The following KIAA0586 variants were observed in gnomAD, a reference collection of about 807,000 sequenced individuals.
KIAA0586 encodes the protein protein TALPID3.
In KIAA0586, 144 loss-of-function variants were observed where a neutral mutation model predicts 169.8. That is an observed-to-expected ratio of 0.85 (90% confidence interval 0.74 to 0.97). KIAA0586 has a LOEUF of 0.97. Among genes scored for constraint, KIAA0586 ranks in the 50% least tolerant of loss-of-function variants. The pLI is 0.00. For missense variants in KIAA0586, 1,854 were observed against 1,823.0 expected, an observed-to-expected ratio of 1.02 and a Z score of -0.31; for synonymous variants, 625 against 612.4, an observed-to-expected ratio of 1.02 and a Z score of -0.30.
rs541120109 is a variant in KIAA0586 at position 58,441,665 on chromosome 14, G to A, written c.411-1041G>A. ...TTTATTTTTCTGGAGACAGAGTCTCGCTGTGTCACCCAGGCTAGAGTGCAG... is the reference window on the plus strand; with the variant it reads ...TTTATTTTTCTGGAGACAGAGTCTCACTGTGTCACCCAGGCTAGAGTGCAG... On this transcript the variant is annotated intron_variant, in intron 4 of 30. Coordinates refer to ENST00000652326, the MANE Select transcript of KIAA0586 (RefSeq NM_001329943.3). Among the ~76,000 whole-genome samples the A allele has an allele frequency of 1.4e-4, 22 of 152,022 alleles. No homozygotes were observed. In the East Asian group the frequency reaches 3.7e-3, roughly 25 times the overall value.
intron 24 of KIAA0586, among the ~76,000 whole-genome samples, chr14:58,489,376 C>T (rs2042690563): frequency 6.6e-6 from 1 of 151,872 alleles, no homozygotes; most frequent in African/African-American, 2.4e-5. Context: ...TGTGCCACCA[C>T]GCCCGGCTAA....
intron 16 of KIAA0586, among the ~76,000 whole-genome samples, chr14:58,470,159 T>A (rs979111774): frequency 2.0e-5 from 3 of 152,040 alleles, no homozygotes; most frequent in African/African-American, 7.2e-5. Context: ...ATTGGAAATT[T>A]CCTAAATTTT....
chr14:58,483,525 A>G (rs2042175702), intron 21 of KIAA0586, among the ~76,000 whole-genome samples: 1 of 152,158 alleles, frequency 6.6e-6, no homozygotes, highest in Non-Finnish European at 1.5e-5. Context: ...TATAGAGACC[A>G]TATTTAGATT....
chr14:58,484,904 A>ATTTATATATATATTTT, intron 21 of KIAA0586, among the ~76,000 whole-genome samples: 1 of 4,200 alleles, frequency 2.4e-4, no homozygotes, highest in Non-Finnish European at 3.5e-4. Flanking sequence ...ATATATATAT[A>ATTTATATATATATTTT]TATATATATA....
intron 9 of KIAA0586, among the ~76,000 whole-genome samples, chr14:58,454,494 T>G (rs2039659704): frequency 6.6e-6 from 1 of 152,224 alleles, no homozygotes; most frequent in South Asian, 2.1e-4. Flanking sequence ...TAGTTCATCT[T>G]TAACAGTACT....
In KIAA0586 at chr14:58,548,933, T is replaced by G. The variant is rs928871256; in HGVS notation, c.*1001T>G. The G allele has an allele frequency of 6.6e-6, 1 of 152,164 alleles. No individual in the cohort carries two copies. The highest frequency in any genetic ancestry group is 2.4e-5 in the African/African-American group (1 of 41,426). 9.4% of individuals were successfully genotyped at this position (152,164 alleles called of 1,614,324 possible). On this transcript the variant is annotated 3_prime_UTR_variant, in exon 31 of 31. Coordinates refer to ENST00000652326, the MANE Select transcript of KIAA0586 (RefSeq NM_001329943.3). ...TTCAGATTAATGGGTTTAATACTTATTTTTGCAGAATAATGGACATCAGTG... is the reference window on the plus strand; with the variant it reads ...TTCAGATTAATGGGTTTAATACTTAGTTTTGCAGAATAATGGACATCAGTG...
At chr14:58,427,613 T>C (rs2036924589), upstream of KIAA0586, 18 of 1,535,674 alleles carry the variant, frequency 1.2e-5, no homozygotes, top group East Asian at 4.9e-5. Flanking sequence ...CAGAGAGCGC[T>C]TAGCTTTCTG....
chr14:58,502,676 A>G (rs1435196548), intron 27 of KIAA0586, among the ~76,000 whole-genome samples: 5 of 152,196 alleles, frequency 3.3e-5, no homozygotes, highest in Non-Finnish European at 7.4e-5. Context: ...TGCTTGGCAC[A>G]TGGTGTTGTT....
intron 26 of KIAA0586, among the ~76,000 whole-genome samples, chr14:58,497,870 ATT>A (rs557927775): frequency 5.2e-5 from 5 of 95,270 alleles, no homozygotes; most frequent in African/African-American, 2.0e-4. Context: ...AGTGGTTTTG[ATT>A]TTTTTTTTTT....
chr14:58,524,194 C>T (rs1020261125), intron 29 of KIAA0586, among the ~76,000 whole-genome samples: 1 of 152,152 alleles, frequency 6.6e-6, no homozygotes, highest in African/African-American at 2.4e-5. Context: ...TGAGTGATCT[C>T]TCCATTCAGA....
chr14:58,544,751 C>T (rs962598716), intron 30 of KIAA0586, among the ~76,000 whole-genome samples: 6 of 152,106 alleles, frequency 3.9e-5, no homozygotes, highest in Non-Finnish European at 8.8e-5. Flanking sequence ...GATATTAGAC[C>T]GTAGATTTGC....
chr14:58,437,183 G>A lies in KIAA0586; in HGVS notation c.410+4726G>A, dbSNP rs558327632. ...AATCATGCTCAGTTGGAGAGGAAGA[G>A]ACAAATTTGGAAGATGATTAGGAGA... On this transcript the variant is annotated intron_variant, in intron 4 of 30. Coordinates refer to ENST00000652326, the MANE Select transcript of KIAA0586 (RefSeq NM_001329943.3). 4.7e-4 allele frequency among the ~76,000 whole-genome samples: 72 copies of A among 152,212 alleles called. No homozygotes were observed. In the South Asian group the frequency reaches 0.015, roughly 32 times the overall value.
At chr14:58,553,027 T>C (rs778132206), downstream of KIAA0586, among the ~76,000 whole-genome samples, 1 of 152,228 alleles carries the variant, frequency 6.6e-6, no homozygotes, top group African/African-American at 2.4e-5. Flanking sequence ...TTGTCAAGCT[T>C]GATAAGTAAT....
chr14:58,490,386 G>A, intron 25 of KIAA0586, 146 bp downstream of exon 25: 1 of 460,782 alleles, frequency 2.2e-6, no homozygotes, highest in Non-Finnish European at 3.8e-6. Flanking sequence ...AGAGTTTCTT[G>A]CACATTTCAT....
At chr14:58,523,948 A>C (rs1048528216) in intron 29 of KIAA0586, among the ~76,000 whole-genome samples, 5 of 152,144 alleles carry the variant, frequency 3.3e-5, no homozygotes, top group African/African-American at 4.8e-5. Flanking sequence ...TAATCAACCT[A>C]GTAACGATTT....
rs772091983 is a variant in KIAA0586, at chr14:58,547,986, A to G, written c.*54A>G. ...ATGCCACTGGTTTTAAAGTCATTTT[A>G]CCTTGGCTTAAAACCCTCTCTCAGA... is the stretch of plus-strand genomic sequence containing the variant. On this transcript the variant is annotated 3_prime_UTR_variant, in exon 31 of 31. Transcript: ENST00000652326. The G allele has an allele frequency of 3.1e-6, 5 of 1,594,838 alleles. No individual in the cohort carries two copies. The highest frequency in any genetic ancestry group is 1.7e-5 in the Admixed American group (1 of 58,568).
chr14:58,477,190 A>G lies in KIAA0586; in HGVS notation c.2893A>G (p.Ser965Gly). ...LFPVQQQIAPSISVSVSETSE... is the reference protein window; with the variant it reads ...LFPVQQQIAPGISVSVSETSE... ...TCCAGTCCAGCAACAGATTGCACCTAGTATCAGTGTTTCAGTCAGTGAGAC... is the reference window on the plus strand; with the variant it reads ...TCCAGTCCAGCAACAGATTGCACCTGGTATCAGTGTTTCAGTCAGTGAGAC... The change falls in exon 20 of 31, where the codon AGT becomes GGT. Residue 965 changes from serine to glycine, a missense_variant. Coordinates refer to ENST00000652326, the MANE Select transcript of KIAA0586 (RefSeq NM_001329943.3). The G allele has an allele frequency of 1.9e-6, 3 of 1,584,142 alleles. No individual in the cohort carries two copies. The highest frequency in any genetic ancestry group is 2.6e-6 in the Non-Finnish European group (3 of 1,163,116).
At chr14:58,484,896 A>ATATATTTATATATATATTTT (rs1555391491) in intron 21 of KIAA0586, among the ~76,000 whole-genome samples, 8 of 5,082 alleles carry the variant, frequency 1.6e-3, no homozygotes, top group South Asian at 5.7e-3. Context: ...ATATTTATAT[A>ATATATTTATATATATATTTT]TATATATATA....
chr14:58,432,097 A>G (rs886738370), intron 3 of KIAA0586, among the ~76,000 whole-genome samples: 13 of 152,174 alleles, frequency 8.5e-5, no homozygotes, highest in East Asian at 1.9e-4. Context: ...TGGGACTTCC[A>G]CTACTGTATT....
Sources: gnomAD v4.1 joint callset for allele counts (sites outside exome capture counted in the v4.1 genomes callset) on GRCh38, gnomAD v4.1.1 for gene constraint, MANE v1.5 for transcripts, NCBI Gene and HGNC (gene_info 2026-07-23, HGNC 2026-07-21) for gene names.